The following PCDHGA1 variants were observed in gnomAD, a reference collection of about 807,000 sequenced individuals.
PCDHGA1 encodes protocadherin gamma subfamily A, 1, also known as protocadherin gamma-A1.
A neutral mutation model predicts 58.0 loss-of-function variants in PCDHGA1; 32 were observed. That is an observed-to-expected ratio of 0.55 (90% CI 0.42 to 0.74). The LOEUF is 0.74. Among genes scored for constraint, PCDHGA1 ranks in the 30% least tolerant of loss-of-function variants. The pLI is 0.00. For synonymous variants in PCDHGA1, 498 were observed against 501.1 expected, an observed-to-expected ratio of 0.99 and a Z score of 0.08; for missense variants, 1,205 against 1,182.3, an observed-to-expected ratio of 1.02 and a Z score of -0.28.
chr5:141,413,049 A>C (rs2095599926), intron 1 of PCDHGA1: 5 of 904,176 alleles, frequency 5.5e-6, no homozygotes, highest in Non-Finnish European at 8.1e-6. Context: ...GCTGCAGGGA[A>C]GCTCACTCCA....
chr5:141,415,772 T>TTTTA, intron 1 of PCDHGA1: 1 of 1,332,982 alleles, frequency 7.5e-7, no homozygotes, highest in Non-Finnish European at 9.6e-7. Context: ...TTTTTTTTTT[T>TTTTA]ACTTTCTGGT....
At chr5:141,395,094 G>T (rs192995605) in intron 1 of PCDHGA1, 4 of 1,614,042 alleles carry the variant, frequency 2.5e-6, no homozygotes, top group Non-Finnish European at 3.4e-6. Flanking sequence ...CTCCCTCACC[G>T]CCGACTCGCG....
chr5:141,345,058 A>G, intron 1 of PCDHGA1: 1 of 1,613,992 alleles, frequency 6.2e-7, no homozygotes. Context: ...GATGTGAATG[A>G]CAATGCTCCA....
chr5:141,450,734 G>A (rs1365470415), intron 1 of PCDHGA1, among the ~76,000 whole-genome samples: 6 of 151,868 alleles, frequency 4.0e-5, no homozygotes, highest in South Asian at 2.1e-4. Context: ...TGATCCGCCC[G>A]CCTTGGCCTC....
intron 1 of PCDHGA1, among the ~76,000 whole-genome samples, chr5:141,463,380 A>G (rs994170903): frequency 2.0e-5 from 3 of 149,876 alleles, no homozygotes; most frequent in Admixed American, 6.7e-5. Context: ...ACAGTCTGAA[A>G]GTTGTCTCCA....
intron 1 of PCDHGA1, among the ~76,000 whole-genome samples, chr5:141,435,652 G>C (rs978809372): frequency 6.6e-6 from 1 of 152,108 alleles, no homozygotes; most frequent in Non-Finnish European, 1.5e-5. Context: ...TTTCTGAAAC[G>C]TGCACAGATT....
chr5:141,466,674 T>C (rs2099127051), intron 1 of PCDHGA1, among the ~76,000 whole-genome samples: 1 of 152,222 alleles, frequency 6.6e-6, no homozygotes, highest in South Asian at 2.1e-4. Flanking sequence ...TTCACCGTTC[T>C]TCCACTCAAG....
At chr5:141,418,393 C>A in intron 1 of PCDHGA1, 1 of 1,613,984 alleles carries the variant, frequency 6.2e-7, no homozygotes, top group Non-Finnish European at 8.5e-7. Context: ...ACGAGTATTT[C>A]TCATTGGTGG....
chr5:141,414,868 G>A (rs1346192710), intron 1 of PCDHGA1: 1 of 1,614,098 alleles, frequency 6.2e-7, no homozygotes, highest in African/African-American at 1.3e-5. Flanking sequence ...CAATGCGCCC[G>A]AGATCCTGTA....
intron 1 of PCDHGA1, chr5:141,475,902 C>A (rs1296545944): frequency 1.7e-6 from 1 of 576,594 alleles, no homozygotes; most frequent in Non-Finnish European, 3.0e-6. Context: ...GTGCCGCTGT[C>A]GGCCAATGAA....
intron 1 of PCDHGA1, chr5:141,418,445 T>C (rs2154547687): frequency 2.5e-6 from 4 of 1,614,038 alleles, no homozygotes; most frequent in East Asian, 2.2e-5. Context: ...AGAATTAGTA[T>C]TGCAGAAGAC....
intron 1 of PCDHGA1, chr5:141,478,776 A>T: frequency 1.3e-6 from 2 of 1,488,808 alleles, no homozygotes; most frequent in Non-Finnish European, 1.8e-6. Context: ...TCATCTGTGG[A>T]CCTAATTCAC....
At chr5:141,401,861 G>A (rs934405271) in intron 1 of PCDHGA1, among the ~76,000 whole-genome samples, 3 of 152,122 alleles carry the variant, frequency 2.0e-5, no homozygotes, top group African/African-American at 7.2e-5. Context: ...TAACCTTTCA[G>A]TAGTTTTCTT....
rs911465424 is a variant in PCDHGA1 at position 141,449,724 on chromosome 5, AT to A, written c.2422-45076del. ...AAACACATTATTTTTATATGATATG[AT>A]TTTTTTATGACATGATTATTTTTAT... On this transcript the variant is annotated intron_variant, in intron 1 of 3. Coordinates refer to ENST00000517417, the MANE Select transcript of PCDHGA1 (RefSeq NM_018912.3). 1.2e-4 allele frequency among the ~76,000 whole-genome samples: 18 copies of A among 151,282 alleles called. No homozygotes were observed. The South Asian group carries it at 1.9e-3, about 16-fold the overall frequency.
At chr5:141,478,247 G>C (rs1377698933) in intron 1 of PCDHGA1, 1 of 1,613,956 alleles carries the variant, frequency 6.2e-7, no homozygotes, top group Non-Finnish European at 8.5e-7. Context: ...CACAGTGTTC[G>C]GAGTAATCAT....
intron 1 of PCDHGA1, chr5:141,426,432 C>A (rs1239073805): frequency 1.0e-5 from 3 of 295,812 alleles, no homozygotes; most frequent in South Asian, 3.3e-5. Flanking sequence ...TGGTGGGGAA[C>A]CTTGCGGAGG....
intron 1 of PCDHGA1, chr5:141,370,394 G>A (rs758929639): frequency 1.3e-6 from 2 of 1,547,668 alleles, no homozygotes; most frequent in African/African-American, 1.4e-5. Flanking sequence ...CAGAGAGCGG[G>A]ATGGGAAATA....
intron 1 of PCDHGA1, chr5:141,410,596 T>C: frequency 1.2e-6 from 2 of 1,608,810 alleles, no homozygotes; most frequent in Non-Finnish European, 1.7e-6. Flanking sequence ...AGGATTTGAC[T>C]TCACATCCTG....
At position 141,476,247 on chromosome 5, in the gene PCDHGA1, G is replaced by C. The variant is rs1439421662; in HGVS notation, c.2422-18560G>C. 1 of 1,614,042 alleles carries C rather than the reference G, an allele frequency of 6.2e-7. No individual in the cohort carries two copies. Among genetic ancestry groups the C allele is most frequent in the Non-Finnish European group, 8.5e-7 (1 of 1,180,010 alleles). ...GAGATCCCGGAGGAAAGAGAGAAGG[G>C]TTTCGCTGTGGGCAACGTGGTCGCG... On this transcript the variant is annotated intron_variant, in intron 1 of 3. Coordinates refer to ENST00000517417, the MANE Select transcript of PCDHGA1 (RefSeq NM_018912.3). The surrounding 1 kb of genome is among the most constrained non-coding windows in gnomAD (Gnocchi z 7.6).
Sources: allele counts gnomAD v4.1 joint callset (sites outside exome capture counted in the v4.1 genomes callset), GRCh38; gene constraint gnomAD v4.1.1; non-coding constraint Gnocchi (gnomAD v3.1); transcripts MANE v1.5; gene names NCBI Gene and HGNC (gene_info 2026-07-23, HGNC 2026-07-21).